The following CD163L1 variants were observed in gnomAD, a reference collection of about 807,000 sequenced individuals.
CD163L1 encodes the protein CD163 molecule like 1, also known as scavenger receptor cysteine-rich type 1 protein M160.
In CD163L1, 124 loss-of-function variants were observed where a neutral mutation model predicts 165.4. The ratio of observed to expected loss-of-function variants is 0.75; its 90% CI spans 0.65 to 0.87. CD163L1 has a LOEUF of 0.87. Among genes scored for constraint, CD163L1 ranks in the 40% least tolerant of loss-of-function variants. The pLI is 0.00. For missense variants in CD163L1, 1,525 were observed against 1,799.9 expected (o/e 0.85, Z 2.76); for synonymous variants, 585 against 662.2 (o/e 0.88, Z 1.79).
intron 18 of CD163L1, 147 bp from the exon 19 acceptor site, chr12:7,357,633 C>T (rs539304008): frequency 1.6e-5 from 8 of 495,536 alleles, no homozygotes; most frequent in East Asian, 9.0e-5. Flanking sequence ...GCTTAGTTAT[C>T]GTTTTGAAGT....
At chr12:7,434,216 A>T (rs1214407614) in intron 2 of CD163L1, among the ~76,000 whole-genome samples, 3 of 152,152 alleles carry the variant, frequency 2.0e-5, no homozygotes, top group Non-Finnish European at 2.9e-5. Context: ...ACATTCAACA[A>T]TAGGCCTTGC....
the CD163L1 span, chr12:7,322,673 A>G: frequency 5.2e-6 from 6 of 1,164,254 alleles, no homozygotes; most frequent in Non-Finnish European, 7.1e-6. Context: ...TCACCTTGCC[A>G]GTAGTTACCA....
chr12:7,343,839 A>G (rs1946652228), downstream of CD163L1, among the ~76,000 whole-genome samples: 1 of 152,196 alleles, frequency 6.6e-6, no homozygotes, highest in Non-Finnish European at 1.5e-5. Flanking sequence ...ATAGTCCTCT[A>G]GAGTCTTAAC....
At chr12:7,357,279 A>T (rs1326273975) in intron 19 of CD163L1, 101 bp downstream of exon 19, 2 of 683,662 alleles carry the variant, frequency 2.9e-6, no homozygotes, top group Admixed American at 5.1e-5. Context: ...AACCAGTGAC[A>T]TAATATATGG....
At chr12:7,421,468 T>TATATATAC (rs1555202362) in intron 4 of CD163L1, among the ~76,000 whole-genome samples, 5,199 of 93,414 alleles carry the variant, frequency 0.056, 602 homozygotes, top group Admixed American at 0.18. Flanking sequence ...TATATACATA[T>TATATATAC]ATATACATAT....
At chr12:7,325,374 C>T in the CD163L1 span, among the ~76,000 whole-genome samples, 1 of 152,138 alleles carries the variant, frequency 6.6e-6, no homozygotes, top group African/African-American at 2.4e-5. Context: ...GGGCTGGGCA[C>T]GGTGGCTCAC....
At position 7,398,663 on chromosome 12, in the gene CD163L1, ACG is replaced by A; in HGVS notation, c.1409-81_1409-80del. Reference sequence around the variant, plus strand: ...AAGACTGAAAAGACTCTCTAAATTCACGACTATAAGGCTTTGCCTAACAGGTG... The same window carrying A: ...AAGACTGAAAAGACTCTCTAAATTCAACTATAAGGCTTTGCCTAACAGGTG... On this transcript the variant is annotated intron_variant, in intron 6 of 19. Transcript: ENST00000313599. This position sits in a 1 kb window ranked among gnomAD's most constrained non-coding sequence, Gnocchi z 4.5. 2 of 1,278,548 alleles carry A rather than the reference ACG, an allele frequency of 1.6e-6. No homozygotes were observed. Among genetic ancestry groups the A allele is most frequent in the South Asian group, 1.6e-5 (1 of 62,230 alleles). 79.2% of individuals were successfully genotyped at this position (1,278,548 alleles called of 1,614,324 possible). A position where few individuals can be genotyped will look rare whatever the true frequency, so the allele number is the denominator to read the frequency against.
chr12:7,407,007 G>C (rs985256531), intron 4 of CD163L1, among the ~76,000 whole-genome samples, 155 bp from the exon 5 acceptor site: 9 of 152,158 alleles, frequency 5.9e-5, no homozygotes, highest in African/African-American at 2.2e-4. Context: ...CAAGTTTAAT[G>C]TAATAGAATC....
chr12:7,403,285 A>T (rs772997395), intron 6 of CD163L1, among the ~76,000 whole-genome samples: 3 of 152,336 alleles, frequency 2.0e-5, no homozygotes, highest in Admixed American at 6.5e-5. Context: ...GAGGTTGCCC[A>T]GTTATTTTAG....
the CD163L1 span, chr12:7,326,940 A>G: frequency 1.7e-4 from 267 of 1,553,326 alleles, no homozygotes; most frequent in Non-Finnish European, 2.3e-4. Flanking sequence ...TGTCTGAAAA[A>G]CAAATGAGCA....
At chr12:7,334,132 T>G in the CD163L1 span, among the ~76,000 whole-genome samples, 2,901 of 151,750 alleles carry the variant, frequency 0.019, 72 homozygotes, top group African/African-American at 0.065. Context: ...CCTCCCTAAC[T>G]CATTTTATGA....
chr12:7,339,300 T>C, the CD163L1 span, among the ~76,000 whole-genome samples: 6 of 152,250 alleles, frequency 3.9e-5, no homozygotes, highest in African/African-American at 1.4e-4. Context: ...CCAATAGTAA[T>C]ACCCACTATA....
chr12:7,441,250 G>T lies in CD163L1; in HGVS notation c.32-4C>A, dbSNP rs368946626. ...TGACAGCAGCATCTTCCAAAATCTGGAGAAACAAAATATAGCAGGGTAGAA... is the reference window on the plus strand; with the variant it reads ...TGACAGCAGCATCTTCCAAAATCTGTAGAAACAAAATATAGCAGGGTAGAA... On this transcript the variant is annotated splice_region_variant and splice_polypyrimidine_tract_variant and intron_variant, in intron 1 of 19. Coordinates refer to ENST00000313599, the MANE Select transcript of CD163L1 (RefSeq NM_174941.6). 6.2e-7 allele frequency: 1 copy of T among 1,610,680 alleles called. No homozygotes were observed. Among genetic ancestry groups the T allele is most frequent in the South Asian group, 1.1e-5 (1 of 90,956 alleles).
At chr12:7,438,855 T>C (rs551546300) in intron 2 of CD163L1, 88 of 1,569,900 alleles carry the variant, frequency 5.6e-5, no homozygotes, top group South Asian at 2.6e-4. Context: ...TGGACAGATA[T>C]AGGCATAAGC....
chr12:7,338,337 G>T, the CD163L1 span, among the ~76,000 whole-genome samples: 1 of 151,990 alleles, frequency 6.6e-6, no homozygotes, highest in African/African-American at 2.4e-5. Flanking sequence ...TAAATAAAAA[G>T]AAAAATAAAT....
Position 7,398,381 on chromosome 12 carries a change from T to C in CD163L1, c.1612A>G (p.Ile538Val), listed in dbSNP as rs773977672. Residue 538 changes from isoleucine to valine, a missense_variant, in exon 7 of 20, where the codon ATT becomes GTT. Physicochemically the swap from Ile to Val is conservative, Grantham distance 29. Transcript: ENST00000313599. The surrounding 1 kb of genome is among the most constrained non-coding windows in gnomAD (Gnocchi z 4.5). ...MTYFKEASGP[I>V]WLDDVSCIGN... ...ATGCAAGAAACGTCATCCAGCCAAATAGGTCCTGATGCTTCTTTAAAATAG... is the reference window on the plus strand; with the variant it reads ...ATGCAAGAAACGTCATCCAGCCAAACAGGTCCTGATGCTTCTTTAAAATAG... 2.4e-5 allele frequency: 39 copies of C among 1,614,056 alleles called. No individual in the cohort carries two copies. The South Asian group carries it at 3.7e-4, about 15-fold the overall frequency.
chr12:7,339,479 G>A, the CD163L1 span, among the ~76,000 whole-genome samples: 1 of 152,104 alleles, frequency 6.6e-6, no homozygotes, highest in African/African-American at 2.4e-5. Context: ...CATCTAGAAA[G>A]GCCAGGTAAG....
downstream of CD163L1, among the ~76,000 whole-genome samples, chr12:7,351,499 T>C (rs1946706515): frequency 6.6e-6 from 1 of 152,164 alleles, no homozygotes; most frequent in African/African-American, 2.4e-5. Context: ...CTCTTCTTAT[T>C]AGGCAGCAGC....
downstream of CD163L1, among the ~76,000 whole-genome samples, chr12:7,345,738 A>G (rs766424651): frequency 6.6e-6 from 1 of 152,316 alleles, no homozygotes; most frequent in African/African-American, 2.4e-5. Flanking sequence ...TAAAGAAAAT[A>G]AGTTTAATTG....
Sources: allele counts gnomAD v4.1 joint callset (sites outside exome capture counted in the v4.1 genomes callset), GRCh38; gene constraint gnomAD v4.1.1; non-coding constraint Gnocchi (gnomAD v3.1); transcripts MANE v1.5; gene names NCBI Gene and HGNC (gene_info 2026-07-23, HGNC 2026-07-21).